Variants in ZNF577 observed in about 807,000 individuals in gnomAD.
The protein encoded by ZNF577 is zinc finger protein 577.
ZNF577 carries 14 observed loss-of-function variants against 13.9 expected under a neutral mutation model. The observed-to-expected ratio is 1.00, with a 90% confidence interval of 0.66 to 1.57. ZNF577 has a LOEUF of 1.57. ZNF577 is among the 40% of genes most tolerant of loss of function. The probability of loss-of-function intolerance (pLI) is 0.00; values close to 1 mark genes in which losing one functional copy is unlikely to be tolerated. For synonymous variants in ZNF577, 203 were observed against 202.9 expected (o/e 1.00, Z 0.00); for missense variants, 555 against 579.2 (o/e 0.96, Z 0.43).
At chr19:51,841,618 C>A (rs866061057) in intron 8 of ZNF577, among the ~76,000 whole-genome samples, 1 of 152,066 alleles carries the variant, frequency 6.6e-6, no homozygotes, top group African/African-American at 2.4e-5. Flanking sequence ...GAAAAAAAAT[C>A]TATAGATAGA....
At chr19:51,820,840 T>C (rs1599840315) in intron 9 of ZNF577, among the ~76,000 whole-genome samples, 1 of 152,328 alleles carries the variant, frequency 6.6e-6, no homozygotes, top group Non-Finnish European at 1.5e-5. Context: ...TAATTAAAAC[T>C]AAGGTTAGTC....
intron 9 of ZNF577, among the ~76,000 whole-genome samples, chr19:51,818,671 G>A (rs1282262915): frequency 6.6e-6 from 1 of 152,166 alleles, no homozygotes; most frequent in African/African-American, 2.4e-5. Context: ...GTAGGCAGAA[G>A]GAAGAGAGAA....
chr19:51,872,897 G>T lies in ZNF577; in HGVS notation c.1093C>A (p.His365Asn), dbSNP rs2084684414. 4 of 1,614,142 alleles carry T rather than the reference G, an allele frequency of 2.5e-6. No individual in the cohort carries two copies. The highest frequency in any genetic ancestry group is 2.2e-5 in the East Asian group (1 of 44,874). ...SCRECGKAFA[H>N]MSVLIKHEKT... is the part of the protein sequence containing the mutation. ...TCATGTTTAATGAGGACTGACATGT[G>T]GGCAAAGGCTTTGCCACATTCTCTG... is the stretch of plus-strand genomic sequence containing the variant. The change falls in exon 6 of 6, where the codon CAC becomes AAC. Residue 365 changes from histidine to asparagine, a missense_variant. Physicochemically the swap from His to Asn is moderately conservative, Grantham distance 68 (BLOSUM62 1). Transcript: ENST00000638348.
intron 9 of ZNF577, among the ~76,000 whole-genome samples, chr19:51,831,866 T>C (rs2084262674): frequency 1.3e-5 from 2 of 152,244 alleles, no homozygotes; most frequent in Admixed American, 1.3e-4. Context: ...AGAATCTTTG[T>C]ACTAACTGTT....
Position 51,878,490 on chromosome 19 carries a change from G to C in ZNF577, c.86C>G (p.Ala29Gly). Residue 29 changes from alanine (A) to glycine (G), a missense_variant, in exon 4 of 6, where the codon GCT becomes GGT. By Grantham distance (60) the Ala-to-Gly change is moderately conservative. Coordinates refer to ENST00000638348, the MANE Select transcript of ZNF577 (RefSeq NM_001370449.1). ...GEGSLSFEDV[A>G]VGFTREEWQF... is the part of the protein sequence containing the mutation. ...CCACTCCTCCCTGGTGAAGCCCACA[G>C]CCACATCTTCGAATGACAATGACCC... 6.2e-7 allele frequency: 1 copy of C among 1,614,118 alleles called. No individual in the cohort carries two copies. The highest frequency in any genetic ancestry group is 1.7e-5 in the Admixed American group (1 of 60,014).
rs182124583 is a variant in ZNF577, at chr19:51,877,388, G to A, written c.188-11C>T. On this transcript the variant is annotated splice_polypyrimidine_tract_variant and intron_variant, in intron 4 of 5. Transcript: ENST00000638348. ...TGGTGCCTCGATACCCTGTAAATGGGAGATCACTGAACACTTGGCACGTGT... is the reference window on the plus strand; with the variant it reads ...TGGTGCCTCGATACCCTGTAAATGGAAGATCACTGAACACTTGGCACGTGT... 6.6e-4 allele frequency: 1,065 copies of A among 1,610,808 alleles called. 10 individuals carry two copies. The highest frequency in any genetic ancestry group is 3.6e-5 in the Non-Finnish European group (42 of 1,177,138).
At chr19:51,817,730 C>T (rs893722136) in intron 9 of ZNF577, 2 of 152,170 alleles carry the variant, frequency 1.3e-5, no homozygotes, top group African/African-American at 4.8e-5. Context: ...CCAATAAAAA[C>T]TTTACACTAA....
At chr19:51,842,735 T>C (rs1019932839) in intron 8 of ZNF577, 3 of 152,178 alleles carry the variant, frequency 2.0e-5, no homozygotes, top group African/African-American at 7.2e-5. Context: ...CATGAGAAAA[T>C]GTATTAAAAT....
intron 5 of ZNF577, among the ~76,000 whole-genome samples, chr19:51,859,847 C>A (rs1055049366): frequency 6.6e-6 from 1 of 151,976 alleles, no homozygotes; most frequent in African/African-American, 2.4e-5. Context: ...AAAATTGTTT[C>A]TTCGTGTAAT....
At chr19:51,833,550 T>A (rs569677290) in intron 9 of ZNF577, among the ~76,000 whole-genome samples, 1 of 152,326 alleles carries the variant, frequency 6.6e-6, no homozygotes, top group East Asian at 1.9e-4. Flanking sequence ...TGTAGGTGAT[T>A]CTTGGGGTGC....
intron 10 of ZNF577, among the ~76,000 whole-genome samples, chr19:51,805,827 C>T (rs969628757): frequency 2.0e-5 from 3 of 152,128 alleles, no homozygotes; most frequent in Admixed American, 6.5e-5. Flanking sequence ...TAAGGCTCTA[C>T]GGGCACAATA....
chr19:51,878,332 C>T (rs2084800260), intron 4 of ZNF577, 57 bp downstream of exon 4: 10 of 1,563,310 alleles, frequency 6.4e-6, no homozygotes, highest in Middle Eastern at 1.8e-4. Flanking sequence ...TTTATGGGAC[C>T]GTACAGTGGT....
At chr19:51,843,023 TG>T (rs2084329372) in intron 7 of ZNF577, 1 of 152,216 alleles carries the variant, frequency 6.6e-6, no homozygotes, top group South Asian at 2.1e-4. Context: ...ACCTTTCATT[TG>T]GAAAGTGAAA....
intron 1 of ZNF577, among the ~76,000 whole-genome samples, chr19:51,883,456 C>T (rs1267770436): frequency 1.3e-5 from 2 of 152,038 alleles, no homozygotes; most frequent in Non-Finnish European, 2.9e-5. Flanking sequence ...TGTTCTCTAC[C>T]TACCCAACTC....
intron 10 of ZNF577, among the ~76,000 whole-genome samples, chr19:51,808,242 T>C (rs8111509): frequency 0.25 from 37,865 of 152,086 alleles, 5,071 homozygotes; most frequent in South Asian, 0.39. Flanking sequence ...CTGCTGAAAA[T>C]CATTTAAAGT....
chr19:51,873,750 G>T, intron 5 of ZNF577, 44 bp from the exon 6 acceptor site: 1 of 1,424,938 alleles, frequency 7.0e-7, no homozygotes, highest in South Asian at 1.3e-5. Context: ...CAAACTTATT[G>T]TGTCTTTACA....
rs143231858 is a variant in ZNF577 at position 51,823,918 on chromosome 19, G to A, written c.*600-12244C>T. ...TGGGTGGCTGGATTCCGGATGACAC[G>A]CACAGTCAACACCATCTGTTACCTG... On this transcript the variant is annotated intron_variant and NMD_transcript_variant, in intron 9 of 10. Transcript: ENST00000638827. 1.4e-5 allele frequency: 23 copies of A among 1,613,904 alleles called. No homozygotes were observed. Among genetic ancestry groups the A allele is most frequent in the South Asian group, 3.3e-5 (3 of 91,076 alleles).
At chr19:51,804,981 C>T (rs550359066) in exon 11 of ZNF577, 1 of 152,248 alleles carries the variant, frequency 6.6e-6, no homozygotes, top group African/African-American at 2.4e-5. Context: ...TCTAGATGTT[C>T]CAGTAGATAA....
intron 5 of ZNF577, among the ~76,000 whole-genome samples, chr19:51,875,316 T>G: frequency 6.9e-6 from 1 of 144,016 alleles, no homozygotes. Flanking sequence ...TGAGCCAAGA[T>G]TGGGCCACTG....
Sources: allele counts gnomAD v4.1 joint callset (sites outside exome capture counted in the v4.1 genomes callset), GRCh38; gene constraint gnomAD v4.1.1; transcripts MANE v1.5; gene names NCBI Gene and HGNC (gene_info 2026-07-23, HGNC 2026-07-21).